DUSP13B: variants seen among roughly 807,000 people sequenced by gnomAD.
DUSP13B encodes dual specificity phosphatase 13B, also known as dual specificity protein phosphatase 13B.
the DUSP13B span, among the ~76,000 whole-genome samples, chr10:75,098,318 C>A: frequency 2.0e-5 from 3 of 152,222 alleles, no homozygotes; most frequent in African/African-American, 4.8e-5. Context: ...AGCCCCCTCA[C>A]CTGCTACTTC....
At chr10:75,106,934 T>C in the DUSP13B span, among the ~76,000 whole-genome samples, 1 of 152,200 alleles carries the variant, frequency 6.6e-6, no homozygotes, top group Non-Finnish European at 1.5e-5. Flanking sequence ...GGTCACACAG[T>C]GAGGGACACA....
At chr10:75,098,490 G>A in the DUSP13B span, among the ~76,000 whole-genome samples, 1 of 152,176 alleles carries the variant, frequency 6.6e-6, no homozygotes, top group Non-Finnish European at 1.5e-5. Context: ...GGCTGGGCAC[G>A]GTGGCTCACA....
At chr10:75,107,818 C>A in the DUSP13B span, among the ~76,000 whole-genome samples, 6 of 152,144 alleles carry the variant, frequency 3.9e-5, no homozygotes, top group Non-Finnish European at 8.8e-5. Context: ...CTCAGGCGAT[C>A]CACCCACCTC....
At chr10:75,100,277 C>T in the DUSP13B span, among the ~76,000 whole-genome samples, 12,437 of 152,206 alleles carry the variant, frequency 0.082, 704 homozygotes, top group African/African-American at 0.15. Flanking sequence ...GTCTGAAGAA[C>T]GGGGCTCTCC....
chr10:75,097,922 G>C, the DUSP13B span: 1 of 1,519,630 alleles, frequency 6.6e-7, no homozygotes, highest in Admixed American at 1.9e-5. Context: ...CTGGAGGCAG[G>C]CTCCCAGAGG....
At chr10:75,097,272 G>A in the DUSP13B span, among the ~76,000 whole-genome samples, 6 of 151,786 alleles carry the variant, frequency 4.0e-5, no homozygotes, top group Non-Finnish European at 7.4e-5. Flanking sequence ...GCAGTGGCAC[G>A]ATCTCGGCTC....
the DUSP13B span, chr10:75,109,178 C>A: frequency 6.4e-7 from 1 of 1,553,184 alleles, no homozygotes; most frequent in African/African-American, 1.4e-5. Flanking sequence ...GCCCACCCCT[C>A]TGCCTCTGTG....
chr10:75,109,136 C>G, the DUSP13B span: 1 of 1,602,934 alleles, frequency 6.2e-7, no homozygotes, highest in Non-Finnish European at 8.5e-7. Flanking sequence ...CCCCCCAGCT[C>G]TGGGAGAGAG....
chr10:75,102,887 G>T, the DUSP13B span, among the ~76,000 whole-genome samples: 1 of 152,176 alleles, frequency 6.6e-6, no homozygotes, highest in Non-Finnish European at 1.5e-5. Context: ...GGGAGGTGGG[G>T]GTTGTAGTGA....
chr10:75,104,085 G>A, the DUSP13B span: 6 of 1,353,612 alleles, frequency 4.4e-6, no homozygotes, highest in Non-Finnish European at 5.9e-6. Context: ...ATGGCAGGGA[G>A]TAAGGACCAG....
the DUSP13B span, chr10:75,104,013 G>A: frequency 7.4e-7 from 1 of 1,360,022 alleles, no homozygotes; most frequent in Admixed American, 1.9e-5. Flanking sequence ...GTGTCCGCCT[G>A]GGCCAGAGCC....
chr10:75,108,045 G>A, the DUSP13B span: 1 of 1,613,858 alleles, frequency 6.2e-7, no homozygotes, highest in Non-Finnish European at 8.5e-7. Flanking sequence ...GGAGAAGTAG[G>A]CACTGATGTC....
At chr10:75,098,033 C>T in the DUSP13B span, 2 of 683,278 alleles carry the variant, frequency 2.9e-6, no homozygotes, top group Non-Finnish European at 2.3e-6. Context: ...TTAACAAGCT[C>T]AGCTGGGGCT....
At chr10:75,099,564 G>T in the DUSP13B span, 4 of 1,229,162 alleles carry the variant, frequency 3.3e-6, no homozygotes. Context: ...GCTGGCTGGG[G>T]CGCCCATGGG....
chr10:75,107,478 G>T, the DUSP13B span, among the ~76,000 whole-genome samples: 5 of 152,320 alleles, frequency 3.3e-5, no homozygotes, highest in South Asian at 6.2e-4. Context: ...CAGCCTCAGG[G>T]TTGCTCCTAA....
chr10:75,107,769 G>T, the DUSP13B span, among the ~76,000 whole-genome samples: 1 of 152,154 alleles, frequency 6.6e-6, no homozygotes, highest in African/African-American at 2.4e-5. Context: ...TAGAGACGAG[G>T]TTTCACCGTG....
chr10:75,095,885 C>T, the DUSP13B span: 1 of 1,187,170 alleles, frequency 8.4e-7, no homozygotes, highest in Admixed American at 1.9e-5. Flanking sequence ...ACACCCCCGC[C>T]CACCACCCAC....
the DUSP13B span, chr10:75,109,089 C>G: frequency 3.7e-6 from 6 of 1,612,392 alleles, no homozygotes; most frequent in South Asian, 6.6e-5. Flanking sequence ...GCTCCTCCAG[C>G]TCCAGGATGC....
chr10:75,099,567 C>T, the DUSP13B span: 6 of 1,229,024 alleles, frequency 4.9e-6, no homozygotes, highest in Non-Finnish European at 6.1e-6. Context: ...GGCTGGGGCG[C>T]CCATGGGGGG....
Sources: allele counts gnomAD v4.1 joint callset (sites outside exome capture counted in the v4.1 genomes callset), GRCh38; gene constraint gnomAD v4.1.1; transcripts MANE v1.5; gene names NCBI Gene and HGNC (gene_info 2026-07-23, HGNC 2026-07-21).